Variants in SMC5 observed in about 807,000 individuals in gnomAD.
The protein encoded by SMC5 is structural maintenance of chromosomes 5.
In SMC5, 88 loss-of-function variants were observed where a neutral mutation model predicts 148.3. The observed-to-expected ratio is 0.59, with a 90% CI of 0.50 to 0.71. SMC5 has a LOEUF of 0.71. SMC5 is among the 30% of genes least tolerant of loss of function. The pLI is 0.00. For synonymous variants in SMC5, 421 were observed against 432.8 expected (o/e 0.97, Z 0.34); for missense variants, 1,142 against 1,298.9 (o/e 0.88, Z 1.86).
intron 11 of SMC5, chr9:70,311,761 A>T (rs1227740320): frequency 6.6e-6 from 1 of 152,092 alleles, no homozygotes; most frequent in Non-Finnish European, 1.5e-5. Context: ...AGCAAAGCAC[A>T]ATAAAATGAG....
chr9:70,264,384 T>C lies in SMC5; in HGVS notation c.266T>C (p.Ile89Thr). 6.2e-7 allele frequency: 1 copy of C among 1,614,082 alleles called. No homozygotes were observed. The highest frequency in any genetic ancestry group is 8.5e-7 in the Non-Finnish European group (1 of 1,179,958). Residue 89 changes from isoleucine (I) to threonine (T), a missense_variant, in exon 2 of 25, where the codon ATT (isoleucine) becomes ACT (threonine). Coordinates refer to ENST00000361138, the MANE Select transcript of SMC5 (RefSeq NM_015110.4). ...GCCAATGGAACAGGGAAGTCGAGCA[T>C]TGTGTGTGCCATTTGCCTTGGTTTA... ...VGANGTGKSSIVCAICLGLAG... is the reference protein window; with the variant it reads ...VGANGTGKSSTVCAICLGLAG...
chr9:70,331,466 A>T (rs932806290), intron 17 of SMC5, among the ~76,000 whole-genome samples: 6 of 151,916 alleles, frequency 3.9e-5, no homozygotes, highest in Admixed American at 3.3e-4. Context: ...GAAATTATTG[A>T]TAATGTTTTT....
At chr9:70,314,043 T>C (rs575284951) in intron 11 of SMC5, among the ~76,000 whole-genome samples, 87 of 152,168 alleles carry the variant, frequency 5.7e-4, no homozygotes, top group Non-Finnish European at 1.2e-3. Flanking sequence ...TCCTGTGCAC[T>C]CATAGTTCAT....
chr9:70,322,865 A>G (rs1157301859), intron 15 of SMC5, among the ~76,000 whole-genome samples: 2 of 152,142 alleles, frequency 1.3e-5, no homozygotes, highest in East Asian at 1.9e-4. Flanking sequence ...ATGGCTTTCT[A>G]CAGTTGCTAC....
At chr9:70,284,360 G>A (rs1202358438) in intron 7 of SMC5, among the ~76,000 whole-genome samples, 1 of 152,142 alleles carries the variant, frequency 6.6e-6, no homozygotes, top group African/African-American at 2.4e-5. Flanking sequence ...ATCTAGACAA[G>A]CCCCCTCATT....
intron 8 of SMC5, among the ~76,000 whole-genome samples, chr9:70,296,612 T>C (rs549121149): frequency 1.3e-5 from 2 of 152,294 alleles, no homozygotes; most frequent in South Asian, 4.1e-4. Context: ...TTTTATTTGT[T>C]ATAAGTCTCT....
chr9:70,314,168 A>G (rs1406220311), intron 11 of SMC5, among the ~76,000 whole-genome samples: 1 of 152,052 alleles, frequency 6.6e-6, no homozygotes, highest in African/African-American at 2.4e-5. Flanking sequence ...TAGTCACCCC[A>G]AACTCCATCC....
chr9:70,344,638 C>T (rs973153829), intron 18 of SMC5: 3 of 151,770 alleles, frequency 2.0e-5, no homozygotes, highest in African/African-American at 7.3e-5. Flanking sequence ...AATTAGGGTT[C>T]AATGAGAGCT....
At chr9:70,277,523 C>T in intron 4 of SMC5, 51 bp downstream of exon 4, 2 of 1,450,334 alleles carry the variant, frequency 1.4e-6, no homozygotes, top group Admixed American at 4.7e-5. Context: ...ATAGTGTTTC[C>T]TTTTTATGCC....
rs930445227 is a variant in SMC5 at position 70,346,470 on chromosome 9, T to G, written c.2524-135T>G. 1.2e-5 allele frequency: 10 copies of G among 864,258 alleles called. No individual in the cohort carries two copies. The South Asian group carries it at 1.4e-4, about 12-fold the overall frequency. 53.5% of individuals were successfully genotyped at this position (864,258 alleles called of 1,614,324 possible). On this transcript the variant is annotated intron_variant, in intron 18 of 24. Transcript: ENST00000361138. Reference sequence around the variant, plus strand: ...ATGGCATGGACTCAGAAGATAGTACTGTGGTGAAATTCAACTGTCAAAGTA... The same window carrying G: ...ATGGCATGGACTCAGAAGATAGTACGGTGGTGAAATTCAACTGTCAAAGTA...
intron 8 of SMC5, among the ~76,000 whole-genome samples, chr9:70,287,627 CTTTAT>C (rs2034944943): frequency 1.3e-5 from 2 of 152,130 alleles, no homozygotes; most frequent in Non-Finnish European, 2.9e-5. Context: ...TTTTCTATCC[CTTTAT>C]TTTAAGTCCC....
At chr9:70,271,960 G>T (rs1158854642) in intron 3 of SMC5, among the ~76,000 whole-genome samples, 2 of 152,196 alleles carry the variant, frequency 1.3e-5, no homozygotes, top group Non-Finnish European at 2.9e-5. Flanking sequence ...AAGCTGTGAA[G>T]CTGCCTGGTT....
intron 9 of SMC5, 128 bp from the exon 10 acceptor site, chr9:70,299,918 A>G (rs2035312802): frequency 1.0e-5 from 7 of 681,868 alleles, no homozygotes; most frequent in Non-Finnish European, 1.1e-5. Context: ...ATTTTCCACT[A>G]TGGGAGTTAC....
intron 10 of SMC5, 26 bp downstream of exon 10, chr9:70,300,226 G>A: frequency 1.3e-6 from 2 of 1,562,932 alleles, no homozygotes. Context: ...CATCTTGGTA[G>A]TATTGGTTTT....
At chr9:70,259,287 G>T in intron 1 of SMC5, 24 bp downstream of exon 1, 2 of 1,547,360 alleles carry the variant, frequency 1.3e-6, no homozygotes, top group South Asian at 1.2e-5. Context: ...AGGCCGCGCC[G>T]CGGGTGTGGA....
intron 11 of SMC5, among the ~76,000 whole-genome samples, chr9:70,313,695 T>C (rs1351206644): frequency 6.6e-6 from 1 of 152,140 alleles, no homozygotes; most frequent in Non-Finnish European, 1.5e-5. Flanking sequence ...AGACGGGCTT[T>C]CACCATGTTG....
At chr9:70,346,923 C>T (rs1295154252) in intron 19 of SMC5, 143 bp from the exon 20 acceptor site, 1 of 709,088 alleles carries the variant, frequency 1.4e-6, no homozygotes, top group Non-Finnish European at 2.4e-6. Context: ...GGCAAATGAC[C>T]CTGTTTATTA....
At chr9:70,284,246 T>TA (rs1222194430) in intron 7 of SMC5, among the ~76,000 whole-genome samples, 2 of 152,194 alleles carry the variant, frequency 1.3e-5, no homozygotes, top group African/African-American at 2.4e-5. Flanking sequence ...ATTAAACAGT[T>TA]ACTAAGATCA....
In SMC5 at chr9:70,278,559, TC is replaced by T; in HGVS notation, c.617del (p.Pro206GlnfsTer13). ...TCGAAGCCACTGAAAAGTCAATTGG[TC>T]CCCCAGAAATGCACAAATATCACTG... ...LLEATEKSIG[P>X]PEMHKYHCEL... On this transcript the variant is annotated frameshift_variant, in exon 5 of 25. Transcript: ENST00000361138. LOFTEE classifies it high-confidence loss of function. 1.2e-6 allele frequency: 2 copies of T among 1,611,938 alleles called. No individual in the cohort carries two copies. Among genetic ancestry groups the T allele is most frequent in the Non-Finnish European group, 1.7e-6 (2 of 1,179,266 alleles).
Sources: gnomAD v4.1 joint callset for allele counts (sites outside exome capture counted in the v4.1 genomes callset) on GRCh38, gnomAD v4.1.1 for gene constraint, MANE v1.5 for transcripts, NCBI Gene and HGNC (gene_info 2026-07-23, HGNC 2026-07-21) for gene names.